The following OPHN1 variants were observed in gnomAD, a reference collection of about 807,000 sequenced individuals.
OPHN1 encodes oligophrenin 1.
In OPHN1, 11 loss-of-function variants were observed where a neutral mutation model predicts 60.7. The ratio of observed to expected loss-of-function variants is 0.18; its 90% CI spans 0.11 to 0.30. The LOEUF (loss-of-function observed/expected upper bound fraction) is 0.30, where lower values mean the gene tolerates loss of function less well. Ranked by LOEUF, OPHN1 falls within the 10% of genes least tolerant of loss-of-function variation. OPHN1 has a pLI of 1.00. For missense variants in OPHN1, 449 were observed against 611.0 expected (o/e 0.73, Z 2.80); for synonymous variants, 226 against 222.6 (o/e 1.02, Z -0.14).
At chrX:68,129,852 G>C (rs758220866) in intron 15 of OPHN1, among the ~76,000 whole-genome samples, 3 of 112,334 alleles carry the variant, frequency 2.7e-5, no homozygotes, top group Non-Finnish European at 3.8e-5. Context: ...CAGAAAGCGT[G>C]AGCAGAAATA....
intron 14 of OPHN1, among the ~76,000 whole-genome samples, chrX:68,193,304 A>T (rs1228348606): frequency 8.9e-6 from 1 of 112,275 alleles, no homozygotes; most frequent in Non-Finnish European, 1.9e-5. Context: ...AGTTCATTCA[A>T]TTGAAAAAGG....
intron 2 of OPHN1, among the ~76,000 whole-genome samples, chrX:68,431,498 C>T (rs1435139923): frequency 8.9e-6 from 1 of 111,967 alleles, no homozygotes. Context: ...CTCACTGCAA[C>T]CAACATCTCC....
intron 15 of OPHN1, among the ~76,000 whole-genome samples, chrX:68,165,295 A>T (rs1269179003): frequency 1.8e-5 from 2 of 112,041 alleles, no homozygotes; most frequent in East Asian, 5.6e-4. Flanking sequence ...AGCTTTCGAC[A>T]TGCCTTCCTC....
At chrX:68,324,627 AAT>A (rs2078251092) in intron 2 of OPHN1, among the ~76,000 whole-genome samples, 1 of 108,401 alleles carries the variant, frequency 9.2e-6, no homozygotes. Context: ...AAAAAAAAAA[AAT>A]CTAAAAATAA....
Position 68,167,327 on chromosome X carries a change from T to C in OPHN1, c.1276+25592A>G, listed in dbSNP as rs188363434. Among the ~76,000 whole-genome samples the C allele has an allele frequency of 5.5e-3, 613 of 111,704 alleles. 2 individuals are homozygous for C. Among genetic ancestry groups the C allele is most frequent in the African/African-American group, 0.019 (574 of 30,773 alleles). Reference sequence around the variant, plus strand: ...TCTTATCTCATTAAAATGGCTTTTATGTAAAAGACAGGAAGTAACAAATGC... The same window carrying C: ...TCTTATCTCATTAAAATGGCTTTTACGTAAAAGACAGGAAGTAACAAATGC... On this transcript the variant is annotated intron_variant, in intron 15 of 24. Coordinates refer to ENST00000355520, the MANE Select transcript of OPHN1 (RefSeq NM_002547.3).
At chrX:68,058,857 G>C (rs1182653850) in intron 21 of OPHN1, among the ~76,000 whole-genome samples, 1 of 112,158 alleles carries the variant, frequency 8.9e-6, no homozygotes, top group Non-Finnish European at 1.9e-5. Flanking sequence ...GCTAGTAATA[G>C]TCTCCTATGA....
At chrX:68,332,793 T>C (rs1448799836) in intron 2 of OPHN1, among the ~76,000 whole-genome samples, 3 of 105,673 alleles carry the variant, frequency 2.8e-5, no homozygotes, top group African/African-American at 3.8e-5. Context: ...AATGATAATT[T>C]ATGGAAATTA....
chrX:68,433,104 A>G, intron 1 of OPHN1, 64 bp downstream of exon 1: 1 of 995,611 alleles, frequency 1.0e-6, no homozygotes, highest in Non-Finnish European at 1.4e-6. Context: ...AGTAGAGGGG[A>G]CGGACTGAGC....
At chrX:68,423,049 G>A (rs1405775517) in intron 2 of OPHN1, among the ~76,000 whole-genome samples, 2 of 104,754 alleles carry the variant, frequency 1.9e-5, no homozygotes, top group African/African-American at 3.6e-5. Flanking sequence ...TTTTTGAGAC[G>A]GAGTCTCGCT....
At position 68,083,114 on chromosome X, in the gene OPHN1, G is replaced by A. The variant is rs774105824; in HGVS notation, c.1687-9815C>T. Among the ~76,000 whole-genome samples, 15 of 77,107 alleles carry A rather than the reference G, an allele frequency of 1.9e-4. No individual in the cohort carries two copies. The South Asian group carries it at 4.8e-3, about 25-fold the overall frequency. The allele number at this position is 77,107 out of a possible 115,157, so 67.0% of individuals were successfully genotyped here. A position where few individuals can be genotyped will look rare whatever the true frequency, so the allele number is the denominator to read the frequency against. On this transcript the variant is annotated intron_variant, in intron 19 of 24. Coordinates refer to ENST00000355520, the MANE Select transcript of OPHN1 (RefSeq NM_002547.3). ...GGAGTCTCGCTCTGTCGCCCAGGCC[G>A]GACTGCGGACTGCAGTGGCGCAATC... is the stretch of plus-strand genomic sequence containing the variant.
intron 5 of OPHN1, among the ~76,000 whole-genome samples, chrX:68,235,146 A>G (rs1415126926): frequency 8.9e-6 from 1 of 112,109 alleles, no homozygotes; most frequent in Non-Finnish European, 1.9e-5. Context: ...AATCCTGGAA[A>G]GTTTAACTAG....
At chrX:68,148,888 A>G (rs2077274331) in intron 15 of OPHN1, among the ~76,000 whole-genome samples, 1 of 111,608 alleles carries the variant, frequency 9.0e-6, no homozygotes, top group African/African-American at 3.3e-5. Flanking sequence ...TGAATACAAG[A>G]CAGCCTGTAA....
In OPHN1 at chrX:68,246,970, G is replaced by A. The variant is rs188200307; in HGVS notation, c.385-12382C>T. 8.4e-4 allele frequency among the ~76,000 whole-genome samples: 94 copies of A among 111,654 alleles called. 1 individual carries two copies. The Admixed American group carries it at 8.8e-3, about 10-fold the overall frequency. ...TTACTACATTCCCCTGCTGCAAAGC[G>A]TTCCATATCAACTACAGGACTAAGT... On this transcript the variant is annotated intron_variant, in intron 5 of 24. Transcript: ENST00000355520.
intron 15 of OPHN1, among the ~76,000 whole-genome samples, chrX:68,184,984 C>A (rs986737150): frequency 8.9e-6 from 1 of 112,295 alleles, no homozygotes; most frequent in African/African-American, 3.2e-5. Flanking sequence ...ATAAAACATG[C>A]CCTCCAACAG....
intron 10 of OPHN1, among the ~76,000 whole-genome samples, chrX:68,205,965 TGTGA>T (rs1461561209): frequency 5.7e-5 from 3 of 52,434 alleles, no homozygotes; most frequent in African/African-American, 1.6e-4. Flanking sequence ...TATCTGTGTG[TGTGA>T]GTGTGTGTGA....
intron 2 of OPHN1, among the ~76,000 whole-genome samples, chrX:68,368,700 C>T (rs775996275): frequency 1.8e-5 from 2 of 111,748 alleles, no homozygotes; most frequent in Non-Finnish European, 3.8e-5. Context: ...GGAGTACCCA[C>T]ACACACAACC....
intron 5 of OPHN1, among the ~76,000 whole-genome samples, chrX:68,249,735 T>A (rs761359982): frequency 1.2e-4 from 13 of 111,474 alleles, no homozygotes; most frequent in African/African-American, 4.2e-4. Flanking sequence ...TCCCCGAGGA[T>A]CCCAGCATGC....
intron 2 of OPHN1, among the ~76,000 whole-genome samples, chrX:68,407,727 T>C (rs1253875254): frequency 8.9e-6 from 1 of 111,995 alleles, no homozygotes; most frequent in Non-Finnish European, 1.9e-5. Flanking sequence ...TACTATAAAT[T>C]AGGTATAACA....
Position 68,274,784 on chromosome X carries a change from A to G in OPHN1, c.338T>C (p.Ile113Thr), listed in dbSNP as rs1016807298. ...CTTCCGGAAATTTTCCAAGGGTTTAATCAGCAAATCACTAGCATTGTGTAC... is the reference window on the plus strand; with the variant it reads ...CTTCCGGAAATTTTCCAAGGGTTTAGTCAGCAAATCACTAGCATTGTGTAC... ...MMVHNASDLLIKPLENFRKEQ... is the reference protein window; with the variant it reads ...MMVHNASDLLTKPLENFRKEQ... Residue 113 changes from isoleucine to threonine, a missense_variant, in exon 5 of 25, where the codon ATT becomes ACT. Coordinates refer to ENST00000355520, the MANE Select transcript of OPHN1 (RefSeq NM_002547.3). 2.2e-5 allele frequency: 26 copies of G among 1,203,245 alleles called. No homozygotes were observed. Among genetic ancestry groups the G allele is most frequent in the Non-Finnish European group, 2.9e-5 (26 of 889,584 alleles).
Sources: gnomAD v4.1 joint callset for allele counts (sites outside exome capture counted in the v4.1 genomes callset) on GRCh38, gnomAD v4.1.1 for gene constraint, MANE v1.5 for transcripts, NCBI Gene and HGNC (gene_info 2026-07-23, HGNC 2026-07-21) for gene names.